Variants in TDRD5 observed in about 807,000 individuals in gnomAD.
TDRD5 encodes tudor domain containing 5, also known as tudor domain-containing protein 5.
Under a neutral mutation model 120.6 loss-of-function variants are expected in TDRD5, and 41 were observed. That is an observed-to-expected ratio of 0.34 (90% confidence interval 0.26 to 0.44). TDRD5 has a LOEUF of 0.44. Among genes scored for constraint, TDRD5 ranks in the 20% least tolerant of loss-of-function variants. The pLI, the probability that TDRD5 is intolerant of heterozygous loss-of-function variation, is 1.00. For missense variants in TDRD5, 1,006 were observed against 1,221.2 expected, an observed-to-expected ratio of 0.82 and a Z score of 2.63; for synonymous variants, 430 against 433.7, an observed-to-expected ratio of 0.99 and a Z score of 0.11.
chr1:179,646,272 CCTCTTCTAACCT>C (rs1678358186), intron 11 of TDRD5, among the ~76,000 whole-genome samples: 1 of 152,198 alleles, frequency 6.6e-6, no homozygotes, highest in East Asian at 1.9e-4. Context: ...CCTTTACCCT[CCTCTTCTAACCT>C]GTTTTTGTTG....
At position 179,650,818 on chromosome 1, in the gene TDRD5, T is replaced by C. The variant is rs973171540; in HGVS notation, c.1801-49T>C. The C allele has an allele frequency of 1.9e-6, 3 of 1,580,598 alleles. No homozygotes were observed. The African/African-American group carries it at 4.0e-5, about 21-fold the overall frequency. ...TCATTGTTGTATATGGTTATTATAA[T>C]TCATGTTTAGATCTATCACCTGAAT... On this transcript the variant is annotated intron_variant, in intron 11 of 17. Transcript: ENST00000444136.
intron 17 of TDRD5, among the ~76,000 whole-genome samples, chr1:179,669,698 G>T (rs1301446890): frequency 6.6e-6 from 1 of 152,128 alleles, no homozygotes; most frequent in Admixed American, 6.5e-5. Context: ...CAAATTGATA[G>T]TCTCGTCATC....
chr1:179,672,354 C>T (rs1034283616), intron 17 of TDRD5, among the ~76,000 whole-genome samples: 1 of 152,040 alleles, frequency 6.6e-6, no homozygotes, highest in Non-Finnish European at 1.5e-5. Flanking sequence ...ATTTGCATTT[C>T]CCTGATAATT....
intron 17 of TDRD5, among the ~76,000 whole-genome samples, chr1:179,682,092 CATAT>C (rs1489061360): frequency 6.8e-6 from 1 of 147,506 alleles, no homozygotes; most frequent in South Asian, 2.2e-4. Context: ...ATGATTCTAT[CATAT>C]ATATAACTTT....
chr1:179,648,899 T>C (rs185232520), intron 11 of TDRD5, among the ~76,000 whole-genome samples: 6 of 152,318 alleles, frequency 3.9e-5, no homozygotes. Flanking sequence ...CTTAGGATTT[T>C]ATTTAATGAG....
chr1:179,650,435 C>T (rs1378315449), intron 11 of TDRD5, among the ~76,000 whole-genome samples: 4 of 150,426 alleles, frequency 2.7e-5, no homozygotes, highest in Non-Finnish European at 5.9e-5. Flanking sequence ...TTCAAATTGC[C>T]TGGATTAGCA....
intron 17 of TDRD5, among the ~76,000 whole-genome samples, chr1:179,684,961 T>A (rs1680622895): frequency 6.6e-6 from 1 of 152,120 alleles, no homozygotes; most frequent in Non-Finnish European, 1.5e-5. Flanking sequence ...GTCAGATGGG[T>A]AGATTGCAAA....
Position 179,640,007 on chromosome 1 carries a change from T to C in TDRD5, c.1689T>C (p.Phe563=), listed in dbSNP as rs747251977. 2.5e-6 allele frequency: 4 copies of C among 1,614,160 alleles called. No individual in the cohort carries two copies. The highest frequency in any genetic ancestry group is 3.4e-6 in the Non-Finnish European group (4 of 1,180,004). The change falls in exon 10 of 18, where the codon TTT becomes TTC. Residue 563 remains phenylalanine (F), a synonymous_variant. Coordinates refer to ENST00000444136, the MANE Select transcript of TDRD5 (RefSeq NM_001199085.3). ...KQEVEVFYPD[F]GNIGIVQKSS... ...AAGTTGAAGTGTTCTACCCAGACTTTGGAAATATTGGAATTGTTCAGAAGT... is the reference window on the plus strand; with the variant it reads ...AAGTTGAAGTGTTCTACCCAGACTTCGGAAATATTGGAATTGTTCAGAAGT...
intron 4 of TDRD5, among the ~76,000 whole-genome samples, chr1:179,597,488 C>T (rs1457514629): frequency 6.6e-6 from 1 of 151,874 alleles, no homozygotes; most frequent in Non-Finnish European, 1.5e-5. Context: ...TCAGCCACCA[C>T]ACCTGGCTAA....
chr1:179,667,284 A>C (rs993754597), intron 16 of TDRD5, among the ~76,000 whole-genome samples: 2 of 152,264 alleles, frequency 1.3e-5, no homozygotes, highest in Admixed American at 1.3e-4. Context: ...AGTGAAAGCT[A>C]TCAGGATGCA....
At chr1:179,596,961 T>A (rs12071467) in intron 4 of TDRD5, among the ~76,000 whole-genome samples, 1,584 of 152,336 alleles carry the variant, frequency 0.01, 31 homozygotes, top group African/African-American at 0.035. Context: ...TTTGTTAACA[T>A]TTGGGATTGT....
chr1:179,630,306 A>T (rs1003393845), intron 6 of TDRD5, among the ~76,000 whole-genome samples: 2 of 152,182 alleles, frequency 1.3e-5, no homozygotes, highest in Admixed American at 1.3e-4. Flanking sequence ...CTTTATTCCA[A>T]CTTCTAAGGT....
intron 4 of TDRD5, among the ~76,000 whole-genome samples, chr1:179,599,306 T>G (rs1675569386): frequency 6.6e-6 from 1 of 152,100 alleles, no homozygotes; most frequent in Non-Finnish European, 1.5e-5. Flanking sequence ...TTGTAATGCT[T>G]TTATCTGGTT....
intron 6 of TDRD5, among the ~76,000 whole-genome samples, chr1:179,624,382 T>C (rs144432843): frequency 1.2e-4 from 19 of 152,304 alleles, no homozygotes; most frequent in Non-Finnish European, 2.5e-4. Context: ...AAGGTAAGTA[T>C]ATCCAGTCAT....
intron 17 of TDRD5, among the ~76,000 whole-genome samples, chr1:179,689,320 C>G (rs999355481): frequency 2.0e-5 from 3 of 152,218 alleles, no homozygotes; most frequent in African/African-American, 7.2e-5. Context: ...GAGGTCCACT[C>G]CACACCCTGT....
intron 17 of TDRD5, among the ~76,000 whole-genome samples, chr1:179,678,036 GGT>G (rs758747730): frequency 5.3e-5 from 8 of 152,070 alleles, no homozygotes; most frequent in Non-Finnish European, 1.0e-4. Flanking sequence ...GGCAGGGACA[GGT>G]GTGTCTGAGC....
intron 17 of TDRD5, among the ~76,000 whole-genome samples, chr1:179,676,113 TG>T (rs1206341454): frequency 6.6e-6 from 1 of 152,238 alleles, no homozygotes; most frequent in African/African-American, 2.4e-5. Flanking sequence ...TGTCCCTCTT[TG>T]TCTTTTTTAA....
At chr1:179,633,558 G>A (rs1311648145) in intron 7 of TDRD5, among the ~76,000 whole-genome samples, 1 of 151,658 alleles carries the variant, frequency 6.6e-6, no homozygotes, top group Non-Finnish European at 1.5e-5. Context: ...CATCATATTG[G>A]CCAGGCTGGT....
chr1:179,603,158 C>G (rs1304301431), intron 4 of TDRD5, among the ~76,000 whole-genome samples: 2 of 151,968 alleles, frequency 1.3e-5, no homozygotes, highest in Non-Finnish European at 1.5e-5. Context: ...GGGTTGAGTT[C>G]TTGATTTGAC....
Sources: gnomAD v4.1 joint callset for allele counts (sites outside exome capture counted in the v4.1 genomes callset) on GRCh38, gnomAD v4.1.1 for gene constraint, MANE v1.5 for transcripts, NCBI Gene and HGNC (gene_info 2026-07-23, HGNC 2026-07-21) for gene names.